RBFOX1: variants seen among roughly 807,000 people sequenced by gnomAD.
RBFOX1 encodes RNA binding fox-1 homolog 1.
A neutral mutation model predicts 57.7 loss-of-function variants in RBFOX1; 8 were observed. The ratio of observed to expected loss-of-function variants is 0.14; its 90% confidence interval spans 0.08 to 0.25. The LOEUF is 0.25. Among genes scored for constraint, RBFOX1 ranks in the 10% least tolerant of loss-of-function variants. RBFOX1 has a pLI of 1.00. For synonymous variants in RBFOX1, 326 were observed against 222.4 expected (o/e 1.47, Z -4.15); for missense variants, 611 against 548.5 (o/e 1.11, Z -1.14).
At chr16:6,781,103 C>G (rs1422221521) in intron 3 of RBFOX1, among the ~76,000 whole-genome samples, 3 of 152,050 alleles carry the variant, frequency 2.0e-5, no homozygotes, top group Non-Finnish European at 1.5e-5. Context: ...ACAGTGTTTT[C>G]TTGTAATAGC....
intron 4 of RBFOX1, among the ~76,000 whole-genome samples, chr16:7,318,762 C>T (rs1347075784): frequency 6.6e-6 from 1 of 152,118 alleles, no homozygotes; most frequent in Admixed American, 6.5e-5. Flanking sequence ...GCTGTCTTTG[C>T]CTTCTCTCAA....
chr16:6,198,915 G>A (rs1028224119), intron 1 of RBFOX1, among the ~76,000 whole-genome samples: 6 of 151,516 alleles, frequency 4.0e-5, no homozygotes, highest in South Asian at 2.1e-4. Context: ...CCTATCATCC[G>A]CTTCTTTTTA....
chr16:6,471,983 A>G (rs567248187), intron 2 of RBFOX1, among the ~76,000 whole-genome samples: 33 of 152,128 alleles, frequency 2.2e-4, no homozygotes, highest in African/African-American at 8.0e-4. Context: ...CAGACTCCTG[A>G]TTTCTCTTTA....
At chr16:5,452,492 C>T (rs1163418783) in intron 1 of RBFOX1, among the ~76,000 whole-genome samples, 4 of 152,070 alleles carry the variant, frequency 2.6e-5, no homozygotes, top group South Asian at 4.1e-4. Flanking sequence ...CTTGAGACTG[C>T]TTTCTCCTTT....
At chr16:7,013,537 G>A in intron 3 of RBFOX1, among the ~76,000 whole-genome samples, 1 of 152,172 alleles carries the variant, frequency 6.6e-6, no homozygotes, top group East Asian at 1.9e-4. Context: ...AGAATTGTCT[G>A]TATCAAAATG....
chr16:6,378,269 C>T (rs147997526), intron 2 of RBFOX1, among the ~76,000 whole-genome samples: 20 of 152,326 alleles, frequency 1.3e-4, no homozygotes, highest in Non-Finnish European at 1.5e-4. Flanking sequence ...GCTTCCCCTC[C>T]GTGCTCACCT....
chr16:5,833,378 C>A (rs931767137), intron 3 of RBFOX1, among the ~76,000 whole-genome samples: 1 of 151,584 alleles, frequency 6.6e-6, no homozygotes, highest in Non-Finnish European at 1.5e-5. Context: ...ACCTGTAGTC[C>A]CAGCTACTCA....
At chr16:5,860,644 ACCTCCC>A (rs1394351145) in intron 3 of RBFOX1, among the ~76,000 whole-genome samples, 1 of 152,072 alleles carries the variant, frequency 6.6e-6, no homozygotes, top group Non-Finnish European at 1.5e-5. Context: ...AGGTCCAGAT[ACCTCCC>A]CAGGGCTAAA....
At chr16:5,303,091 G>C (rs981624243) in intron 1 of RBFOX1, among the ~76,000 whole-genome samples, 5 of 152,130 alleles carry the variant, frequency 3.3e-5, no homozygotes, top group African/African-American at 1.2e-4. Flanking sequence ...TGCTTTGGTT[G>C]ATAAAGAAAA....
intron 2 of RBFOX1, among the ~76,000 whole-genome samples, chr16:6,340,207 T>G (rs1030329435): frequency 2.6e-5 from 4 of 152,144 alleles, no homozygotes; most frequent in African/African-American, 9.6e-5. Flanking sequence ...GTATGGGTGC[T>G]AAGGGGTCAC....
intron 2 of RBFOX1, among the ~76,000 whole-genome samples, chr16:6,654,120 ATGG>A: frequency 7.1e-6 from 1 of 141,254 alleles, no homozygotes; most frequent in South Asian, 2.4e-4. Context: ...GGATGGATGG[ATGG>A]GTAGAGGACC....
At chr16:6,933,954 C>A (rs1048806839) in intron 3 of RBFOX1, among the ~76,000 whole-genome samples, 4 of 152,132 alleles carry the variant, frequency 2.6e-5, no homozygotes, top group Non-Finnish European at 5.9e-5. Flanking sequence ...ATTGAAAAAT[C>A]AAAGTACTTA....
chr16:6,122,334 C>T (rs1352732587), intron 1 of RBFOX1, among the ~76,000 whole-genome samples: 1 of 150,478 alleles, frequency 6.6e-6, no homozygotes, highest in African/African-American at 2.5e-5. Flanking sequence ...TTATTTATAA[C>T]AGAACCTTGT....
At chr16:6,224,232 A>G (rs1339796747) in intron 1 of RBFOX1, among the ~76,000 whole-genome samples, 1 of 151,232 alleles carries the variant, frequency 6.6e-6, no homozygotes, top group Admixed American at 6.6e-5. Context: ...TTTTTTTCCA[A>G]TTCTGTGAAG....
chr16:6,143,455 T>A (rs1304203279), intron 1 of RBFOX1, among the ~76,000 whole-genome samples: 2 of 152,188 alleles, frequency 1.3e-5, no homozygotes, highest in Non-Finnish European at 2.9e-5. Context: ...GTGATCCCAA[T>A]GCTCACAAAA....
Position 6,450,811 on chromosome 16 carries a change from A to ATGTACATATATATATG in RBFOX1, c.-64+133755_-64+133756insGTACATATATATATGT, listed in dbSNP as rs2094588704. ...TATACATATATATATGTATATATAT[A>ATGTACATATATATATG]TATATACATATATATATATATATAT... On this transcript the variant is annotated intron_variant, in intron 2 of 15. Coordinates refer to ENST00000550418, the MANE Select transcript of RBFOX1 (RefSeq NM_018723.4). Among the ~76,000 whole-genome samples the ATGTACATATATATATG allele has an allele frequency of 8.3e-5, 2 of 24,104 alleles. 1 individual carries two copies. The highest frequency in any genetic ancestry group is 3.9e-3 in the East Asian group (2 of 508). The allele number at this position is 24,104 out of a possible 152,430, so 15.8% of individuals were successfully genotyped here.
intron 2 of RBFOX1, among the ~76,000 whole-genome samples, chr16:6,500,089 T>TA (rs935679616): frequency 2.0e-5 from 3 of 152,174 alleles, no homozygotes; most frequent in Non-Finnish European, 4.4e-5. Context: ...TTCCTTTGGT[T>TA]AAAAAACAAG....
At chr16:6,579,823 C>G (rs756908755) in intron 2 of RBFOX1, among the ~76,000 whole-genome samples, 4 of 152,108 alleles carry the variant, frequency 2.6e-5, no homozygotes, top group Admixed American at 6.5e-5. Context: ...TGGTCTCAAG[C>G]TGTCCTCCCA....
chr16:6,291,949 ATGTG>A (rs112285049), intron 1 of RBFOX1, among the ~76,000 whole-genome samples: 18 of 149,432 alleles, frequency 1.2e-4, no homozygotes, highest in African/African-American at 2.5e-4. Flanking sequence ...GTTGGAATGA[ATGTG>A]TGTGTGTGTG....
Sources: gnomAD v4.1 joint callset for allele counts (sites outside exome capture counted in the v4.1 genomes callset) on GRCh38, gnomAD v4.1.1 for gene constraint, MANE v1.5 for transcripts, NCBI Gene and HGNC (gene_info 2026-07-23, HGNC 2026-07-21) for gene names.